The following KARS1 variants were observed in gnomAD, a reference collection of about 807,000 sequenced individuals.
KARS1 encodes lysine--tRNA ligase.
A neutral mutation model predicts 63.9 loss-of-function variants in KARS1; 50 were observed. The observed-to-expected ratio is 0.78, with a 90% CI of 0.62 to 0.99. The LOEUF (loss-of-function observed/expected upper bound fraction) is 0.99, where lower values mean the gene tolerates loss of function less well. Among genes scored for constraint, KARS1 ranks in the 50% least tolerant of loss-of-function variants. The pLI, the probability that KARS1 is intolerant of heterozygous loss-of-function variation, is 0.00. For synonymous variants in KARS1, 320 were observed against 264.6 expected (o/e 1.21, Z -2.03); for missense variants, 816 against 754.5 (o/e 1.08, Z -0.95).
chr16:75,644,242 T>C (rs1346852221), intron 1 of KARS1: 1 of 1,544,146 alleles, frequency 6.5e-7, no homozygotes, highest in Non-Finnish European at 8.8e-7. Flanking sequence ...AAGGAAATAA[T>C]TTTTGCTTCC....
rs376724925 is a variant in KARS1, at chr16:75,630,404, T to C, written c.1424+19A>G. ...AAGTTTTGGGGCTGTTATGCAGCAATAGGTAACTGGAATCTTACCATTTAG... is the reference window on the plus strand; with the variant it reads ...AAGTTTTGGGGCTGTTATGCAGCAACAGGTAACTGGAATCTTACCATTTAG... On this transcript the variant is annotated intron_variant, in intron 11 of 13. Coordinates refer to ENST00000302445, the MANE Select transcript of KARS1 (RefSeq NM_005548.3). 5 of 1,461,576 alleles carry C rather than the reference T, an allele frequency of 3.4e-6. No individual in the cohort carries two copies. The highest frequency in any genetic ancestry group is 1.7e-5 in the Admixed American group (1 of 59,798). 90.5% of individuals were successfully genotyped at this position (1,461,576 alleles called of 1,614,324 possible).
chr16:75,639,918 G>A, intron 3 of KARS1: 1 of 489,146 alleles, frequency 2.0e-6, no homozygotes, highest in Non-Finnish European at 3.7e-6. Flanking sequence ...AGAAGCCTGA[G>A]ACTTCTACCG....
chr16:75,630,886 C>T (rs879515628), intron 10 of KARS1, among the ~76,000 whole-genome samples: 6 of 152,104 alleles, frequency 3.9e-5, no homozygotes, highest in African/African-American at 4.8e-5. Flanking sequence ...TCATCTGCCT[C>T]GGCCTCCTGA....
chr16:75,628,929 A>G (rs2082080479), intron 12 of KARS1: 1 of 594,336 alleles, frequency 1.7e-6, no homozygotes, highest in Admixed American at 2.9e-5. Flanking sequence ...CTCAGAACAC[A>G]TACAAATTTC....
intron 7 of KARS1, 58 bp downstream of exon 7, chr16:75,634,115 C>A: frequency 6.3e-7 from 1 of 1,578,478 alleles, no homozygotes; most frequent in South Asian, 1.1e-5. Context: ...CCCATCTAGC[C>A]AGTGGTATTC....
chr16:75,632,072 TAG>T (rs1246428482), intron 7 of KARS1, among the ~76,000 whole-genome samples: 1 of 152,142 alleles, frequency 6.6e-6, no homozygotes, highest in Non-Finnish European at 1.5e-5. Context: ...GTATTTTTAG[TAG>T]AGACAGGGTT....
intron 7 of KARS1, among the ~76,000 whole-genome samples, chr16:75,633,515 C>A (rs150971557): frequency 7.8e-6 from 1 of 127,516 alleles, no homozygotes; most frequent in East Asian, 2.7e-4. Flanking sequence ...TTTGAAGATA[C>A]TTTTTTTTTT....
intron 3 of KARS1, among the ~76,000 whole-genome samples, chr16:75,638,997 G>A (rs149436338): frequency 0.013 from 1,994 of 149,768 alleles, 50 homozygotes; most frequent in African/African-American, 0.045. Flanking sequence ...GTGAAACTCC[G>A]TCTCTACTAA....
chr16:75,636,166 G>C, intron 4 of KARS1, 68 bp from the exon 5 acceptor site: 1 of 988,296 alleles, frequency 1.0e-6, no homozygotes, highest in Non-Finnish European at 1.6e-6. Context: ...GTCTCCTCTG[G>C]AACCCTCACT....
intron 1 of KARS1, among the ~76,000 whole-genome samples, chr16:75,645,027 G>A (rs1597178818): frequency 1.3e-5 from 2 of 152,214 alleles, no homozygotes; most frequent in South Asian, 4.1e-4. Flanking sequence ...GAAGGCAACA[G>A]AATTACAGAG....
intron 7 of KARS1, 37 bp downstream of exon 7, chr16:75,634,136 C>G (rs1219435734): frequency 1.2e-6 from 2 of 1,609,476 alleles, no homozygotes; most frequent in South Asian, 2.2e-5. Context: ...CAGCTTTCTG[C>G]TTCTTTAAGG....
chr16:75,642,949 G>A (rs1015122192), intron 1 of KARS1: 1 of 152,172 alleles, frequency 6.6e-6, no homozygotes, highest in Non-Finnish European at 1.5e-5. Context: ...CCAAATGTGA[G>A]CTTTCTAGGT....
Position 75,638,576 on chromosome 16 carries a change from A to C in KARS1, c.388+1608T>G, listed in dbSNP as rs1019590141. 6.6e-5 allele frequency among the ~76,000 whole-genome samples: 10 copies of C among 152,366 alleles called. No homozygotes were observed. The South Asian group carries it at 2.1e-3, about 32-fold the overall frequency. ...ACATGAAAGAACACAAATTAGAACT[A>C]GAAAAACTAAGAAATGAGGTGATAA... On this transcript the variant is annotated intron_variant, in intron 3 of 13. Transcript: ENST00000302445.
At position 75,627,907 on chromosome 16, in the gene KARS1, G is replaced by T; in HGVS notation, c.1782C>A (p.Gly594=). ...TTDTLESTTV[G]TSV ...CAATTATTATTTTCTAGACAGAAGTGCCAACTGTTGTGCTTTCCAGTGTAT... is the reference window on the plus strand; with the variant it reads ...CAATTATTATTTTCTAGACAGAAGTTCCAACTGTTGTGCTTTCCAGTGTAT... Residue 594 remains glycine (G), a synonymous_variant, in exon 14 of 14, where the codon GGC becomes GGA. Coordinates refer to ENST00000302445, the MANE Select transcript of KARS1 (RefSeq NM_005548.3). 6.3e-7 allele frequency: 1 copy of T among 1,585,332 alleles called. No homozygotes were observed. The highest frequency in any genetic ancestry group is 8.7e-7 in the Non-Finnish European group (1 of 1,154,054).
chr16:75,629,365 G>C, intron 12 of KARS1, 50 bp downstream of exon 12: 1 of 1,611,140 alleles, frequency 6.2e-7, no homozygotes, highest in Non-Finnish European at 8.5e-7. Context: ...GTTAAGGCTG[G>C]TATTTCCTGG....
chr16:75,641,222 G>A (rs894057744), intron 2 of KARS1, among the ~76,000 whole-genome samples: 2 of 151,810 alleles, frequency 1.3e-5, no homozygotes, highest in Non-Finnish European at 2.9e-5. Flanking sequence ...GGGGCATGGA[G>A]AGTGGGTTTG....
rs1420355466 is a variant in KARS1 at position 75,629,427 on chromosome 16, T to C, written c.1539A>G (p.Glu513=). ...NDPMRQRQLF[E]EQAKAKAAGD... ...TCCCCTTTCTCACCTTGGCCTGTTCTTCAAAAAGCTGCCGCTGCCGCATGG... is the reference window on the plus strand; with the variant it reads ...TCCCCTTTCTCACCTTGGCCTGTTCCTCAAAAAGCTGCCGCTGCCGCATGG... Residue 513 remains glutamate (E), a synonymous_variant, in exon 12 of 14, where the codon GAA becomes GAG. Coordinates refer to ENST00000302445, the MANE Select transcript of KARS1 (RefSeq NM_005548.3). The C allele has an allele frequency of 1.2e-6, 2 of 1,614,046 alleles. No individual in the cohort carries two copies. The highest frequency in any genetic ancestry group is 2.2e-5 in the East Asian group (1 of 44,872).
chr16:75,643,916 T>C (rs1348241067), intron 1 of KARS1, among the ~76,000 whole-genome samples: 2 of 152,162 alleles, frequency 1.3e-5, no homozygotes, highest in East Asian at 3.8e-4. Context: ...CAAATCAATC[T>C]TAAGGATAAT....
At chr16:75,631,278 G>A (rs752904090) in intron 9 of KARS1, 25 bp from the exon 10 acceptor site, 53 of 1,605,870 alleles carry the variant, frequency 3.3e-5, no homozygotes, top group Non-Finnish European at 4.3e-5. Context: ...CAAAAGTTAG[G>A]GCAGGAGACA....
Sources: gnomAD v4.1 joint callset for allele counts (sites outside exome capture counted in the v4.1 genomes callset) on GRCh38, gnomAD v4.1.1 for gene constraint, MANE v1.5 for transcripts, NCBI Gene and HGNC (gene_info 2026-07-23, HGNC 2026-07-21) for gene names.